The following SHANK2 variants were observed in gnomAD, a reference collection of about 807,000 sequenced individuals.
The protein encoded by SHANK2 is SH3 and multiple ankyrin repeat domains 2.
A neutral mutation model predicts 133.7 loss-of-function variants in SHANK2; 43 were observed. The ratio of observed to expected loss-of-function variants is 0.32; its 90% CI spans 0.25 to 0.41. SHANK2 has a LOEUF of 0.41. SHANK2 is among the 10% of genes least tolerant of loss of function. The pLI, the probability that SHANK2 is intolerant of heterozygous loss-of-function variation, is 1.00. For synonymous variants in SHANK2, 1,017 were observed against 952.8 expected, an observed-to-expected ratio of 1.07 and a Z score of -1.24; for missense variants, 1,994 against 2,235.8, an observed-to-expected ratio of 0.89 and a Z score of 2.18.
At chr11:70,507,874 G>A (rs372674783) in intron 17 of SHANK2, among the ~76,000 whole-genome samples, 7 of 152,344 alleles carry the variant, frequency 4.6e-5, no homozygotes, top group East Asian at 3.9e-4. Context: ...TAAAAATGCC[G>A]ACTTCCCCAA....
At chr11:71,205,924 C>T (rs1203979651) in intron 2 of SHANK2, among the ~76,000 whole-genome samples, 1 of 152,118 alleles carries the variant, frequency 6.6e-6, no homozygotes, top group African/African-American at 2.4e-5. Context: ...CCCAGGGCTG[C>T]AGCAGGTGAA....
chr11:70,599,420 A>G (rs1554990253), intron 17 of SHANK2, among the ~76,000 whole-genome samples: 1 of 140,536 alleles, frequency 7.1e-6, no homozygotes, highest in Non-Finnish European at 1.6e-5. Context: ...ATCCTGGCTA[A>G]CACGGTGAAA....
Position 70,525,143 on chromosome 11 carries a change from G to C in SHANK2, c.2062-22212C>G, listed in dbSNP as rs1181276696. Among the ~76,000 whole-genome samples, 33 of 152,252 alleles carry C rather than the reference G, an allele frequency of 2.2e-4. 1 individual carries two copies. Among genetic ancestry groups the C allele is most frequent in the Admixed American group, 2.1e-3 (32 of 15,292 alleles). ...ATGGCAAACAGGGACGCGTGTGGAG[G>C]CTCTGGCCAGCACCAGCAACAGAAT... On this transcript the variant is annotated intron_variant, in intron 17 of 25. Coordinates refer to ENST00000601538, the MANE Select transcript of SHANK2 (RefSeq NM_012309.5).
chr11:70,544,990 C>A (rs1554975965), intron 17 of SHANK2, among the ~76,000 whole-genome samples: 3 of 152,152 alleles, frequency 2.0e-5, no homozygotes, highest in African/African-American at 4.8e-5. Flanking sequence ...TGGCGGTGGA[C>A]CTCGGGAGCT....
chr11:70,510,264 G>A (rs1282645747), intron 17 of SHANK2, among the ~76,000 whole-genome samples: 1 of 152,212 alleles, frequency 6.6e-6, no homozygotes, highest in Admixed American at 6.5e-5. Flanking sequence ...GCCAAGGTTG[G>A]TGGCTGGGGC....
chr11:70,500,275 A>G lies in SHANK2; in HGVS notation c.2308+295T>C, dbSNP rs1443550201. 6.6e-6 allele frequency among the ~76,000 whole-genome samples: 1 copy of G among 152,138 alleles called. No homozygotes were observed. ...TCTGCTCATCTGCAACCCCCCATCC[A>G]GGCAGCCCCAGCTGAGACCAAACAG... On this transcript the variant is annotated intron_variant, in intron 21 of 25. Coordinates refer to ENST00000601538, the MANE Select transcript of SHANK2 (RefSeq NM_012309.5). This position sits in a 1 kb window ranked among gnomAD's most constrained non-coding sequence, Gnocchi z 4.5.
intron 2 of SHANK2, among the ~76,000 whole-genome samples, chr11:71,149,066 G>T (rs1320624534): frequency 7.9e-5 from 12 of 152,180 alleles, no homozygotes; most frequent in Non-Finnish European, 1.6e-4. Flanking sequence ...GGACACAGAT[G>T]TTTGCCGTAT....
rs1471830196 is a variant in SHANK2, at chr11:71,074,823, A to AGG, written c.1029+334_1029+335dup. Among the ~76,000 whole-genome samples the AGG allele has an allele frequency of 2.3e-5, 3 of 130,378 alleles. No homozygotes were observed. In the East Asian group the frequency reaches 6.7e-4, roughly 29 times the overall value. The allele number at this position is 130,378 out of a possible 152,430, so 85.5% of individuals were successfully genotyped here. ...GAGACGGAGTCTCGCTCTGTAGCCC[A>AGG]GGCTGGAGTGCAGTGGCACGGTCTC... On this transcript the variant is annotated intron_variant, in intron 9 of 25. Coordinates refer to ENST00000601538, the MANE Select transcript of SHANK2 (RefSeq NM_012309.5).
At chr11:71,085,671 T>TTATATAA (rs1383368503) in intron 8 of SHANK2, among the ~76,000 whole-genome samples, 2 of 18,682 alleles carry the variant, frequency 1.1e-4, no homozygotes, top group African/African-American at 2.0e-4. Flanking sequence ...ATTATATATG[T>TTATATAA]TATATATATA....
intron 17 of SHANK2, among the ~76,000 whole-genome samples, chr11:70,547,782 TG>T (rs1470634713): frequency 5.3e-5 from 8 of 152,330 alleles, no homozygotes; most frequent in Non-Finnish European, 8.8e-5. Context: ...GTCTTCCAAG[TG>T]CAAATTAACT....
chr11:70,764,520 TCCATTCACCCAC>T (rs1555040959), intron 14 of SHANK2, among the ~76,000 whole-genome samples: 2 of 149,032 alleles, frequency 1.3e-5, no homozygotes, highest in African/African-American at 2.5e-5. Context: ...TATCCATCTA[TCCATTCACCCAC>T]CCATCCACCC....
At chr11:70,897,962 T>C (rs981197195) in intron 10 of SHANK2, among the ~76,000 whole-genome samples, 5 of 103,560 alleles carry the variant, frequency 4.8e-5, no homozygotes, top group African/African-American at 1.4e-4. Context: ...ACACACACAC[T>C]TTTTTTTTTC....
rs1951165821 is a variant in SHANK2, at chr11:71,073,142, C to CTTTTTTTTTTTTTT, written c.1029+2016_1029+2017insAAAAAAAAAAAAAA. Among the ~76,000 whole-genome samples the CTTTTTTTTTTTTTT allele has an allele frequency of 2.4e-4, 10 of 41,090 alleles. 1 individual carries two copies. Among genetic ancestry groups the CTTTTTTTTTTTTTT allele is most frequent in the African/African-American group, 4.6e-4 (10 of 21,890 alleles). 27.0% of individuals were successfully genotyped at this position (41,090 alleles called of 152,430 possible). ...CTTGCTTTTTGTTTTTTTTCTTTTT[C>CTTTTTTTTTTTTTT]TTTTCTTTTTTTTCTTTTTTTTCTT... On this transcript the variant is annotated intron_variant, in intron 9 of 25. Coordinates refer to ENST00000601538, the MANE Select transcript of SHANK2 (RefSeq NM_012309.5).
chr11:70,927,469 TG>T (rs1187601345), intron 10 of SHANK2, among the ~76,000 whole-genome samples: 1 of 151,930 alleles, frequency 6.6e-6, no homozygotes, highest in Non-Finnish European at 1.5e-5. Context: ...TTGGGACTGA[TG>T]GGGCCCGACA....
intron 3 of SHANK2, among the ~76,000 whole-genome samples, chr11:71,140,239 T>C (rs1175314850): frequency 6.6e-6 from 1 of 152,102 alleles, no homozygotes; most frequent in Non-Finnish European, 1.5e-5. Context: ...CTTCAGAAGG[T>C]TCCAGAAACA....
chr11:70,709,521 A>T (rs1295427573), intron 14 of SHANK2, among the ~76,000 whole-genome samples: 1 of 152,224 alleles, frequency 6.6e-6, no homozygotes, highest in Non-Finnish European at 1.5e-5. Context: ...GAAATATCAT[A>T]TGTCAGCTAT....
At chr11:71,100,877 A>T (rs1464468938) in intron 6 of SHANK2, among the ~76,000 whole-genome samples, 1 of 151,796 alleles carries the variant, frequency 6.6e-6, no homozygotes, top group East Asian at 1.9e-4. Context: ...AAAAAAAAAA[A>T]AAAAAAATCA....
At chr11:70,907,773 C>A in intron 10 of SHANK2, 1 of 349,024 alleles carries the variant, frequency 2.9e-6, no homozygotes, top group Non-Finnish European at 5.8e-6. Context: ...TTTATCAAGA[C>A]ACATCGGATA....
chr11:71,194,830 C>A (rs957203742), intron 2 of SHANK2, among the ~76,000 whole-genome samples: 8 of 152,164 alleles, frequency 5.3e-5, no homozygotes, highest in Non-Finnish European at 8.8e-5. Flanking sequence ...AGAAGACCTG[C>A]TACAGCTGCA....
Sources: allele counts gnomAD v4.1 joint callset (sites outside exome capture counted in the v4.1 genomes callset), GRCh38; gene constraint gnomAD v4.1.1; non-coding constraint Gnocchi (gnomAD v3.1); transcripts MANE v1.5; gene names NCBI Gene and HGNC (gene_info 2026-07-23, HGNC 2026-07-21).